AFF3: variants seen among roughly 807,000 people sequenced by gnomAD.
AFF3 encodes the protein AF4/FMR2 family member 3.
In AFF3, 32 loss-of-function variants were observed where a neutral mutation model predicts 129.7. The ratio of observed to expected loss-of-function variants is 0.25; its 90% CI spans 0.19 to 0.33. AFF3 has a LOEUF of 0.33. Among genes scored for constraint, AFF3 ranks in the 10% least tolerant of loss-of-function variants. The pLI is 1.00. For synonymous variants in AFF3, 644 were observed against 635.4 expected (o/e 1.01, Z -0.20); for missense variants, 1,373 against 1,592.0 (o/e 0.86, Z 2.34).
intron 7 of AFF3, among the ~76,000 whole-genome samples, chr2:99,903,835 C>T (rs564786693): frequency 2.6e-4 from 39 of 152,226 alleles, no homozygotes; most frequent in African/African-American, 5.8e-4. Flanking sequence ...CTGCCAATTA[C>T]GAACCTTCTT....
intron 7 of AFF3, among the ~76,000 whole-genome samples, chr2:99,894,259 T>A (rs1431139022): frequency 6.6e-6 from 1 of 151,494 alleles, no homozygotes; most frequent in Non-Finnish European, 1.5e-5. Flanking sequence ...TATGGCTACA[T>A]GTGCATCTGC....
intron 7 of AFF3, among the ~76,000 whole-genome samples, chr2:99,875,464 C>T (rs137884873): frequency 6.6e-6 from 1 of 152,324 alleles, no homozygotes; most frequent in East Asian, 1.9e-4. Context: ...TTACAGTTAT[C>T]TATCTTCCTC....
chr2:99,558,328 T>C (rs944712961), intron 22 of AFF3, among the ~76,000 whole-genome samples: 1 of 152,138 alleles, frequency 6.6e-6, no homozygotes. Context: ...GCCATAAAAA[T>C]ACCTGGACAA....
chr2:99,737,529 C>T (rs540495370), intron 10 of AFF3, among the ~76,000 whole-genome samples: 1 of 152,108 alleles, frequency 6.6e-6, no homozygotes, highest in South Asian at 2.1e-4. Context: ...TTTGCAGGCT[C>T]CCACTGATGC....
intron 12 of AFF3, among the ~76,000 whole-genome samples, chr2:99,667,341 A>G (rs1254523167): frequency 1.3e-5 from 2 of 152,206 alleles, no homozygotes; most frequent in African/African-American, 2.4e-5. Flanking sequence ...CAACACATCA[A>G]TATTTGTGGG....
chr2:99,983,406 C>A (rs561912456), intron 7 of AFF3, among the ~76,000 whole-genome samples: 1 of 152,202 alleles, frequency 6.6e-6, no homozygotes, highest in African/African-American at 2.4e-5. Context: ...TGATTCAATT[C>A]TTTTTCTGTG....
chr2:100,119,997 C>T (rs1691888547), intron 2 of AFF3, among the ~76,000 whole-genome samples: 1 of 152,164 alleles, frequency 6.6e-6, no homozygotes, highest in Admixed American at 6.5e-5. Flanking sequence ...TTAAAGCAAA[C>T]AGGTTAGCAA....
At chr2:99,705,964 A>T (rs1361611669) in intron 11 of AFF3, among the ~76,000 whole-genome samples, 1 of 151,232 alleles carries the variant, frequency 6.6e-6, no homozygotes, top group Non-Finnish European at 1.5e-5. Context: ...TCCAAATCTG[A>T]CCAAACATCA....
chr2:99,801,174 T>C (rs1296774632), intron 8 of AFF3, among the ~76,000 whole-genome samples: 1 of 152,196 alleles, frequency 6.6e-6, no homozygotes, highest in Admixed American at 6.5e-5. Context: ...AAATGATACT[T>C]CCTATTTCTT....
chr2:99,948,883 C>T (rs1029752531), intron 7 of AFF3, among the ~76,000 whole-genome samples: 5 of 152,254 alleles, frequency 3.3e-5, no homozygotes, highest in African/African-American at 7.2e-5. Context: ...GAAAGAAATG[C>T]GTGAAAACCT....
intron 8 of AFF3, among the ~76,000 whole-genome samples, chr2:99,823,766 C>G (rs144457629): frequency 6.6e-6 from 1 of 152,332 alleles, no homozygotes; most frequent in Non-Finnish European, 1.5e-5. Flanking sequence ...GAATACTACG[C>G]AGCCACACAA....
Position 99,594,066 on chromosome 2 carries a change from C to G in AFF3, c.1595G>C (p.Arg532Thr), listed in dbSNP as rs1249410728. ...AGGGGCCTTGTTGGCTGTCCTTGGC[C>G]TTTGCTCCTCCTTGCAAGTGCTCTT... Reference protein sequence around the residue: ...EIKSTCKEEQRPRTANKAPGS... With the variant: ...EIKSTCKEEQTPRTANKAPGS... The change falls in exon 15 of 25, where the codon AGG (arginine) becomes ACG (threonine). Residue 532 changes from arginine to threonine, a missense_variant. Around this residue, in one of 9 missense-constraint regions of AFF3, gnomAD observed 413 missense variants for 424.4 expected, o/e 0.97. Coordinates refer to ENST00000672756, the MANE Select transcript of AFF3 (RefSeq NM_001386135.1). 6.2e-7 allele frequency: 1 copy of G among 1,613,616 alleles called. No individual in the cohort carries two copies. Among genetic ancestry groups the G allele is most frequent in the African/African-American group, 1.3e-5 (1 of 75,054 alleles).
intron 7 of AFF3, among the ~76,000 whole-genome samples, chr2:99,858,191 C>T (rs1690666924): frequency 6.6e-6 from 1 of 152,280 alleles, no homozygotes; most frequent in Admixed American, 6.5e-5. Flanking sequence ...CAACATGGAG[C>T]TGGGCCCAAC....
chr2:99,864,184 G>A (rs993052618), intron 7 of AFF3, among the ~76,000 whole-genome samples: 6 of 152,200 alleles, frequency 3.9e-5, no homozygotes, highest in Non-Finnish European at 8.8e-5. Context: ...GATGATGGCT[G>A]CATAACACAG....
intron 4 of AFF3, among the ~76,000 whole-genome samples, chr2:100,016,055 T>C (rs1683004427): frequency 6.6e-6 from 1 of 151,134 alleles, no homozygotes; most frequent in South Asian, 2.1e-4. Flanking sequence ...ATGATTGTGA[T>C]AATGGTGGTG....
At chr2:100,134,692 T>C (rs1005922397) in intron 1 of AFF3, among the ~76,000 whole-genome samples, 6 of 152,218 alleles carry the variant, frequency 3.9e-5, no homozygotes, top group Admixed American at 1.3e-4. Context: ...ATCTAGCTTT[T>C]ACTCTCCTCT....
chr2:100,051,803 G>GTAAC (rs940227443), intron 4 of AFF3, among the ~76,000 whole-genome samples: 1 of 152,188 alleles, frequency 6.6e-6, no homozygotes, highest in African/African-American at 2.4e-5. Context: ...TCAGCAAAAT[G>GTAAC]TAACCTTCAC....
chr2:100,007,642 A>C, intron 5 of AFF3, 182 bp from the exon 6 acceptor site: 1 of 636,262 alleles, frequency 1.6e-6, no homozygotes, highest in East Asian at 2.7e-5. Context: ...ATGCACCAGA[A>C]CAGGAAGCCT....
chr2:99,991,381 G>C (rs1680321426), intron 7 of AFF3, among the ~76,000 whole-genome samples: 1 of 152,090 alleles, frequency 6.6e-6, no homozygotes, highest in African/African-American at 2.4e-5. Flanking sequence ...AAGGTCATTT[G>C]GTGTATCCCG....
Sources: gnomAD v4.1 joint callset for allele counts (sites outside exome capture counted in the v4.1 genomes callset) on GRCh38, gnomAD v4.1.1 for gene constraint, gnomAD v4.1.1 regional missense constraint, MANE v1.5 for transcripts, NCBI Gene and HGNC (gene_info 2026-07-23, HGNC 2026-07-21) for gene names.